TRAK1: variants seen among roughly 807,000 people sequenced by gnomAD.
TRAK1 encodes the protein trafficking kinesin protein 1.
Under a neutral mutation model 92.1 loss-of-function variants are expected in TRAK1, and 33 were observed. The observed-to-expected ratio is 0.36, with a 90% CI of 0.27 to 0.48. The LOEUF (loss-of-function observed/expected upper bound fraction) is 0.48, where lower values mean the gene tolerates loss of function less well. Ranked by LOEUF, TRAK1 falls within the 20% of genes least tolerant of loss-of-function variation. The pLI is 0.99. For missense variants in TRAK1, 1,123 were observed against 1,257.9 expected (o/e 0.89, Z 1.62); for synonymous variants, 521 against 517.3 (o/e 1.01, Z -0.10).
At chr3:42,146,850 C>A (rs1699386855) in intron 2 of TRAK1, among the ~76,000 whole-genome samples, 1 of 152,214 alleles carries the variant, frequency 6.6e-6, no homozygotes, top group Non-Finnish European at 1.5e-5. Context: ...GCCAATGCAA[C>A]CAGCCCTCTG....
chr3:42,084,173 G>GT (rs1047195400), upstream of TRAK1, among the ~76,000 whole-genome samples: 10 of 151,312 alleles, frequency 6.6e-5, no homozygotes, highest in African/African-American at 2.2e-4. Flanking sequence ...AGCTTTTTTT[G>GT]TTTTTTTCTG....
intron 1 of TRAK1, among the ~76,000 whole-genome samples, chr3:42,040,569 C>A (rs1702495784): frequency 6.6e-6 from 1 of 152,072 alleles, no homozygotes; most frequent in Non-Finnish European, 1.5e-5. Flanking sequence ...TATTGAGTTG[C>A]CTTATTGAAA....
chr3:42,038,550 C>T (rs539758504), intron 1 of TRAK1, among the ~76,000 whole-genome samples: 1 of 152,258 alleles, frequency 6.6e-6, no homozygotes, highest in East Asian at 1.9e-4. Flanking sequence ...CTTTGGGAGG[C>T]CAAGGCGGGT....
intron 2 of TRAK1, chr3:42,160,112 A>C (rs770049079): frequency 1.2e-4 from 85 of 716,696 alleles, no homozygotes; most frequent in South Asian, 1.8e-4. Flanking sequence ...CAAGTGCTCC[A>C]CCCCACCCCG....
At chr3:42,078,237 T>A (rs1704250776) in intron 1 of TRAK1, among the ~76,000 whole-genome samples, 1 of 152,206 alleles carries the variant, frequency 6.6e-6, no homozygotes, top group Admixed American at 6.5e-5. Context: ...CAAAGGCCCC[T>A]GTGGGAGGCA....
chr3:42,040,213 G>T (rs1702481278), intron 1 of TRAK1, among the ~76,000 whole-genome samples: 1 of 151,552 alleles, frequency 6.6e-6, no homozygotes, highest in Admixed American at 6.6e-5. Flanking sequence ...ATTTATTTTT[G>T]GTCACGTGTG....
chr3:42,092,847 A>G (rs935035573), intron 1 of TRAK1, among the ~76,000 whole-genome samples: 1 of 152,004 alleles, frequency 6.6e-6, no homozygotes, highest in African/African-American at 2.4e-5. Context: ...CGGCCTCCCA[A>G]AGTGCTGGGA....
rs1559837444 is a variant in TRAK1, at chr3:42,150,690, C to T, written c.286+25076C>T. Among the ~76,000 whole-genome samples, 3 of 152,158 alleles carry T rather than the reference C, an allele frequency of 2.0e-5. No homozygotes were observed. The South Asian group carries it at 6.2e-4, about 32-fold the overall frequency. On this transcript the variant is annotated intron_variant, in intron 2 of 15. Transcript: ENST00000327628. Reference sequence around the variant, plus strand: ...AAACTACATAATTATCTCTTATCCACTGATTTTTGCCGCGACTGTGGGTTA... The same window carrying T: ...AAACTACATAATTATCTCTTATCCATTGATTTTTGCCGCGACTGTGGGTTA...
At chr3:42,049,224 A>G (rs1006256059) in intron 1 of TRAK1, among the ~76,000 whole-genome samples, 1 of 152,188 alleles carries the variant, frequency 6.6e-6, no homozygotes, top group African/African-American at 2.4e-5. Context: ...TGAAATGGAT[A>G]TGGAATTCTA....
chr3:42,132,387 C>A (rs549572163), intron 2 of TRAK1, among the ~76,000 whole-genome samples: 6 of 151,480 alleles, frequency 4.0e-5, no homozygotes, highest in African/African-American at 1.5e-4. Flanking sequence ...CCTCAGCCCC[C>A]CAGTAGTTGG....
chr3:42,100,445 T>C (rs1392946327), intron 1 of TRAK1, among the ~76,000 whole-genome samples: 1 of 152,230 alleles, frequency 6.6e-6, no homozygotes. Context: ...TCCCATCTCA[T>C]CTTTTCTCCT....
intron 1 of TRAK1, among the ~76,000 whole-genome samples, chr3:42,053,555 A>G (rs1193800228): frequency 1.3e-5 from 2 of 151,730 alleles, no homozygotes; most frequent in East Asian, 3.9e-4. Context: ...GGCTGGAGAA[A>G]TCAGTATTAT....
chr3:42,019,569 G>T (rs938026611), intron 1 of TRAK1, among the ~76,000 whole-genome samples: 6 of 152,100 alleles, frequency 3.9e-5, no homozygotes, highest in African/African-American at 1.4e-4. Context: ...TACCTGGCCA[G>T]GCAGTTCTTT....
At chr3:42,021,307 A>G (rs1008042465) in intron 1 of TRAK1, among the ~76,000 whole-genome samples, 3 of 152,230 alleles carry the variant, frequency 2.0e-5, no homozygotes, top group East Asian at 1.9e-4. Context: ...CATCTAGAAT[A>G]TATTTTAAAT....
intron 2 of TRAK1, among the ~76,000 whole-genome samples, chr3:42,132,354 C>T (rs1697324906): frequency 6.6e-6 from 1 of 150,886 alleles, no homozygotes; most frequent in African/African-American, 2.4e-5. Context: ...TTCTCAACCT[C>T]CCAGACTCAA....
At chr3:42,057,872 T>G (rs916514341) in intron 1 of TRAK1, among the ~76,000 whole-genome samples, 2 of 152,218 alleles carry the variant, frequency 1.3e-5, no homozygotes, top group Non-Finnish European at 2.9e-5. Flanking sequence ...GTTTGTGCTT[T>G]TATTCTTAAG....
At chr3:42,204,677 T>C (rs545198817) in intron 13 of TRAK1, among the ~76,000 whole-genome samples, 1 of 152,330 alleles carries the variant, frequency 6.6e-6, no homozygotes, top group Non-Finnish European at 1.5e-5. Context: ...CCTGAATTCC[T>C]GGGCTCAAGC....
intron 14 of TRAK1, chr3:42,217,142 A>G (rs1363391837): frequency 2.5e-6 from 1 of 405,706 alleles, no homozygotes; most frequent in Non-Finnish European, 3.2e-6. Context: ...TCCTGCACCC[A>G]GGGCTTTAGG....
intron 2 of TRAK1, chr3:42,149,690 A>T: frequency 6.7e-7 from 1 of 1,499,316 alleles, no homozygotes; most frequent in Non-Finnish European, 8.9e-7. Flanking sequence ...TAGGGGAGAC[A>T]GGCGGCTGGC....
Sources: gnomAD v4.1 joint callset for allele counts (sites outside exome capture counted in the v4.1 genomes callset) on GRCh38, gnomAD v4.1.1 for gene constraint, MANE v1.5 for transcripts, NCBI Gene and HGNC (gene_info 2026-07-23, HGNC 2026-07-21) for gene names.